MPPED1: variants seen among roughly 807,000 people sequenced by gnomAD.
The protein encoded by MPPED1 is metallophosphoesterase domain containing 1.
Under a neutral mutation model 36.2 loss-of-function variants are expected in MPPED1, and 16 were observed. The observed-to-expected ratio is 0.44, with a 90% confidence interval of 0.30 to 0.67. The LOEUF (loss-of-function observed/expected upper bound fraction) is 0.67, where lower values mean the gene tolerates loss of function less well. MPPED1 is among the 30% of genes least tolerant of loss of function. MPPED1 has a pLI of 0.10. For missense variants in MPPED1, 307 were observed against 453.4 expected (o/e 0.68, Z 2.93); for synonymous variants, 199 against 191.3 (o/e 1.04, Z -0.33).
chr22:43,429,012 G>T (rs967869123), intron 2 of MPPED1, among the ~76,000 whole-genome samples: 3 of 152,138 alleles, frequency 2.0e-5, no homozygotes, highest in Non-Finnish European at 4.4e-5. Context: ...TTTAAAAGTC[G>T]TTATGGCAGA....
At chr22:43,463,824 TTTCTTTC>T (rs1931050643) in intron 3 of MPPED1, among the ~76,000 whole-genome samples, 2 of 104,472 alleles carry the variant, frequency 1.9e-5, no homozygotes, top group African/African-American at 6.9e-5. Flanking sequence ...TCTTTCTTTC[TTTCTTTC>T]TTTCTTTCTT....
intron 3 of MPPED1, among the ~76,000 whole-genome samples, chr22:43,461,351 A>T (rs774447950): frequency 1.2e-4 from 19 of 152,210 alleles, no homozygotes; most frequent in Admixed American, 7.2e-4. Flanking sequence ...TTTTCAGGCT[A>T]CTACAGGCTT....
chr22:43,495,470 A>ATGGTGGAGGTGG lies in MPPED1; in HGVS notation c.633-2754_633-2743dup, dbSNP rs1932248244. Among the ~76,000 whole-genome samples, 4 of 49,932 alleles carry ATGGTGGAGGTGG rather than the reference A, an allele frequency of 8.0e-5. 1 individual carries two copies. Among genetic ancestry groups the ATGGTGGAGGTGG allele is most frequent in the Non-Finnish European group, 1.5e-4 (4 of 26,798 alleles). 32.8% of individuals were successfully genotyped at this position (49,932 alleles called of 152,430 possible). On this transcript the variant is annotated intron_variant, in intron 4 of 6. Transcript: ENST00000443721. ...GGAGGTGGTGGTGGAAGTGCTGGTG[A>ATGGTGGAGGTGG]TGGTGGAGGTGGTGGTGGAGGTAGT...
In MPPED1 at chr22:43,424,990, G is replaced by A. The variant is rs998753556; in HGVS notation, c.5G>A (p.Trp2Ter). 1.8e-5 allele frequency: 29 copies of A among 1,593,762 alleles called. 1 individual carries two copies. The highest frequency in any genetic ancestry group is 3.5e-5 in the Admixed American group (2 of 57,054). ...CGGGGCGGCCGGCGGAGGTCCATGT[G>A]GCGCTCTAGGTGGGATGCCAGCGTC... M[W>*]RSRWDASVLK... The change falls in exon 2 of 7, where the codon TGG (tryptophan) becomes TAG (stop). Residue 2 changes from tryptophan (W) to a stop codon, truncating the protein, a stop_gained. Transcript: ENST00000443721. LOFTEE classifies it high-confidence loss of function.
At chr22:43,436,919 G>A (rs1929981594) in intron 3 of MPPED1, among the ~76,000 whole-genome samples, 1 of 152,268 alleles carries the variant, frequency 6.6e-6, no homozygotes, top group South Asian at 2.1e-4. Context: ...CTCACACACA[G>A]CCTGGCTTTC....
chr22:43,475,544 GT>G (rs1931527376), intron 4 of MPPED1, among the ~76,000 whole-genome samples: 1 of 3,160 alleles, frequency 3.2e-4, no homozygotes, highest in African/African-American at 1.3e-3. Flanking sequence ...TGGTGGTGAT[GT>G]GATGGTGATG....
At chr22:43,449,287 A>AT (rs1467524390) in intron 3 of MPPED1, among the ~76,000 whole-genome samples, 1 of 151,950 alleles carries the variant, frequency 6.6e-6, no homozygotes, top group Non-Finnish European at 1.5e-5. Flanking sequence ...CCCTGAGTAT[A>AT]TTGTCCCCAC....
intron 3 of MPPED1, among the ~76,000 whole-genome samples, chr22:43,451,252 G>A (rs928935652): frequency 2.6e-5 from 4 of 152,184 alleles, no homozygotes; most frequent in South Asian, 2.1e-4. Context: ...TGATCCACCC[G>A]CCTCGGCCTC....
chr22:43,431,909 G>A (rs1601952517), intron 2 of MPPED1, among the ~76,000 whole-genome samples: 1 of 152,234 alleles, frequency 6.6e-6, no homozygotes, highest in African/African-American at 2.4e-5. Context: ...TGCTCCAGAA[G>A]CCTCGGGGTG....
chr22:43,473,886 G>C (rs1931458617), intron 3 of MPPED1, among the ~76,000 whole-genome samples: 1 of 152,242 alleles, frequency 6.6e-6, no homozygotes, highest in African/African-American at 2.4e-5. Flanking sequence ...CTGGACCCCA[G>C]AGAGAGAAAG....
At chr22:43,435,463 T>C (rs1929925670) in intron 3 of MPPED1, among the ~76,000 whole-genome samples, 2 of 152,178 alleles carry the variant, frequency 1.3e-5, no homozygotes, top group African/African-American at 4.8e-5. Context: ...ATTTTTTTTT[T>C]TGGCCTGGAA....
At chr22:43,428,308 G>A (rs1229973812) in intron 2 of MPPED1, among the ~76,000 whole-genome samples, 1 of 152,210 alleles carries the variant, frequency 6.6e-6, no homozygotes, top group East Asian at 1.9e-4. Context: ...TGACTCCGAG[G>A]CAGCTGGGGT....
chr22:43,476,712 G>T (rs146035453), intron 4 of MPPED1, among the ~76,000 whole-genome samples: 318 of 152,202 alleles, frequency 2.1e-3, no homozygotes, highest in African/African-American at 7.4e-3. Flanking sequence ...CATCTCCCTG[G>T]ACTTCACGAT....
rs143578421 is a variant in MPPED1 at position 43,489,523 on chromosome 22, A to ATT, written c.633-8700_633-8699dup. Reference sequence around the variant, plus strand: ...GACTTGACTCCTCCTGTCCCCTGACATTTTTTTTTTTTTGAGATGGAGTCT... The same window carrying ATT: ...GACTTGACTCCTCCTGTCCCCTGACATTTTTTTTTTTTTTTGAGATGGAGTCT... On this transcript the variant is annotated intron_variant, in intron 4 of 6. Transcript: ENST00000443721. Among the ~76,000 whole-genome samples, 6 of 143,876 alleles carry ATT rather than the reference A, an allele frequency of 4.2e-5. No homozygotes were observed. The East Asian group carries it at 6.0e-4, about 14-fold the overall frequency. The allele number at this position is 143,876 out of a possible 152,430, so 94.4% of individuals were successfully genotyped here.
chr22:43,454,224 G>A (rs578075351), intron 3 of MPPED1, among the ~76,000 whole-genome samples: 2 of 152,076 alleles, frequency 1.3e-5, no homozygotes, highest in East Asian at 3.9e-4. Flanking sequence ...GGCCAGGCTG[G>A]TCTCGAACTC....
At chr22:43,413,522 G>C (rs1928979670) in intron 1 of MPPED1, among the ~76,000 whole-genome samples, 1 of 152,254 alleles carries the variant, frequency 6.6e-6, no homozygotes. Flanking sequence ...TATTTGGGGA[G>C]GGTGCTGATG....
Position 43,506,439 on chromosome 22 carries a change from A to G in MPPED1, c.*823A>G, listed in dbSNP as rs907869207. The stretch of plus-strand genomic sequence containing the variant: ...TGGAGGGTCTGCAGGCTTAGGCTGC[A>G]GCAGGCCTGCCATGGGTGTGAACCC... On this transcript the variant is annotated 3_prime_UTR_variant, in exon 7 of 7. Transcript: ENST00000443721. 1.3e-5 allele frequency: 2 copies of G among 152,324 alleles called. No homozygotes were observed. The highest frequency in any genetic ancestry group is 1.3e-4 in the Admixed American group (2 of 15,292). 9.4% of individuals were successfully genotyped at this position (152,324 alleles called of 1,614,324 possible).
In MPPED1 at chr22:43,506,340, G is replaced by A. The variant is rs1240343752; in HGVS notation, c.*724G>A. 1.3e-5 allele frequency: 2 copies of A among 152,612 alleles called. No individual in the cohort carries two copies. The allele number at this position is 152,612 out of a possible 1,614,324, so 9.5% of individuals were successfully genotyped here. On this transcript the variant is annotated 3_prime_UTR_variant, in exon 7 of 7. Transcript: ENST00000443721. The stretch of plus-strand genomic sequence containing the variant: ...GCATTCGTGCCCAGGACCAGTGAGA[G>A]CGTTCCCAGTCATGGGGGGATGACC...
At chr22:43,475,852 GTGA>G (rs1372156824) in intron 4 of MPPED1, among the ~76,000 whole-genome samples, 20 of 147,466 alleles carry the variant, frequency 1.4e-4, no homozygotes, top group Middle Eastern at 3.6e-3. Context: ...GATAATGATG[GTGA>G]TGATGATGGC....
Sources: allele counts gnomAD v4.1 joint callset (sites outside exome capture counted in the v4.1 genomes callset), GRCh38; gene constraint gnomAD v4.1.1; transcripts MANE v1.5; gene names NCBI Gene and HGNC (gene_info 2026-07-23, HGNC 2026-07-21).